Variants in SOX5 observed in about 807,000 individuals in gnomAD.
SOX5 encodes the protein SRY-box transcription factor 5, also known as transcription factor SOX-5.
Under a neutral mutation model 92.0 loss-of-function variants are expected in SOX5, and 9 were observed. That is an observed-to-expected ratio of 0.10 (90% CI 0.06 to 0.17). The LOEUF (loss-of-function observed/expected upper bound fraction) is 0.17. Among genes scored for constraint, SOX5 ranks in the 10% least tolerant of loss-of-function variants. The pLI is 1.00. For missense variants in SOX5, 642 were observed against 944.5 expected, an observed-to-expected ratio of 0.68 and a Z score of 4.20; for synonymous variants, 344 against 336.3, an observed-to-expected ratio of 1.02 and a Z score of -0.25.
chr12:24,251,950 T>TAAA (rs71059994), intron 3 of SOX5, among the ~76,000 whole-genome samples: 5 of 148,414 alleles, frequency 3.4e-5, no homozygotes, highest in Admixed American at 6.7e-5. Flanking sequence ...ACCCAGTTAT[T>TAAA]AAAAAAAAAA....
intron 4 of SOX5, among the ~76,000 whole-genome samples, chr12:24,051,744 T>C (rs1352128224): frequency 2.0e-5 from 3 of 152,194 alleles, no homozygotes; most frequent in Non-Finnish European, 4.4e-5. Context: ...AGTAGTAAAA[T>C]AGCCAAATTC....
At chr12:24,272,050 G>T (rs893792811) in intron 3 of SOX5, among the ~76,000 whole-genome samples, 1 of 151,908 alleles carries the variant, frequency 6.6e-6, no homozygotes, top group African/African-American at 2.4e-5. Context: ...TATTGTGATG[G>T]CATGGTACTT....
chr12:24,464,771 T>C (rs888372558), intron 1 of SOX5, among the ~76,000 whole-genome samples: 4 of 152,238 alleles, frequency 2.6e-5, no homozygotes, highest in African/African-American at 9.7e-5. Context: ...AACTCAGGTA[T>C]AAAGAGTTTA....
intron 1 of SOX5, among the ~76,000 whole-genome samples, chr12:24,511,571 C>A (rs1381808655): frequency 2.6e-5 from 4 of 152,214 alleles, no homozygotes; most frequent in Admixed American, 2.6e-4. Context: ...AGGAGCACTT[C>A]TGATTCTTAT....
chr12:23,819,177 C>G (rs905587178), intron 3 of SOX5, among the ~76,000 whole-genome samples: 1 of 152,186 alleles, frequency 6.6e-6, no homozygotes, highest in Non-Finnish European at 1.5e-5. Context: ...TTTGCTTACA[C>G]CAGCATCACC....
At chr12:24,497,306 T>TA (rs36066864) in intron 1 of SOX5, among the ~76,000 whole-genome samples, 4 of 152,194 alleles carry the variant, frequency 2.6e-5, no homozygotes, top group African/African-American at 9.7e-5. Flanking sequence ...TGTTTATTTT[T>TA]AAAAAAGTAT....
intron 4 of SOX5, among the ~76,000 whole-genome samples, chr12:24,086,303 C>G (rs1320672346): frequency 1.3e-5 from 2 of 151,940 alleles, no homozygotes; most frequent in Admixed American, 1.3e-4. Context: ...CATAGACTCT[C>G]AGAATTTGTT....
At chr12:23,873,894 A>C (rs1489706560) in intron 2 of SOX5, among the ~76,000 whole-genome samples, 1 of 152,152 alleles carries the variant, frequency 6.6e-6, no homozygotes, top group African/African-American at 2.4e-5. Context: ...TCAGATAAAA[A>C]ATTTTTCCAA....
rs532176126 is a variant in SOX5 at position 23,967,747 on chromosome 12, A to G, written c.-1-71723T>C. Among the ~76,000 whole-genome samples, 25 of 152,324 alleles carry G rather than the reference A, an allele frequency of 1.6e-4. No homozygotes were observed. The East Asian group carries it at 4.4e-3, about 27-fold the overall frequency. On this transcript the variant is annotated intron_variant, in intron 4 of 4. Coordinates refer to the SOX5 transcript ENST00000446891. ...CTTCTTAACTAAGTATTAGTAAAAA[A>G]TGATTAAAATTATTATTCAGGATAA... is the stretch of plus-strand genomic sequence containing the variant.
chr12:24,523,512 G>A (rs923913751), intron 1 of SOX5, among the ~76,000 whole-genome samples: 3 of 152,208 alleles, frequency 2.0e-5, no homozygotes, highest in Non-Finnish European at 2.9e-5. Context: ...ATGGCAATGA[G>A]AACAGTATGC....
At chr12:24,218,736 A>G (rs567633908) in intron 3 of SOX5, among the ~76,000 whole-genome samples, 1 of 152,130 alleles carries the variant, frequency 6.6e-6, no homozygotes, top group East Asian at 1.9e-4. Flanking sequence ...ATATACATCT[A>G]CCTTGAAAAA....
intron 2 of SOX5, among the ~76,000 whole-genome samples, chr12:24,352,019 A>C (rs571139497): frequency 6.6e-6 from 1 of 152,350 alleles, no homozygotes; most frequent in South Asian, 2.1e-4. Flanking sequence ...AGAGGAAGAG[A>C]GCTGCCTATT....
In SOX5 at chr12:24,024,130, T is replaced by C. The variant is rs567237448; in HGVS notation, c.-1-128106A>G. On this transcript the variant is annotated intron_variant, in intron 4 of 4. Coordinates refer to the SOX5 transcript ENST00000446891. ...CCTAAGATAGGTTATTTTGAGGAGA[T>C]TATTTAATAAGTTATTAAAATACAA... Among the ~76,000 whole-genome samples, 73 of 152,166 alleles carry C rather than the reference T, an allele frequency of 4.8e-4. 1 individual carries two copies. The highest frequency in any genetic ancestry group is 1.6e-3 in the Admixed American group (25 of 15,266).
chr12:23,733,506 C>T (rs567595881), intron 6 of SOX5, among the ~76,000 whole-genome samples: 19 of 152,158 alleles, frequency 1.2e-4, no homozygotes, highest in African/African-American at 4.3e-4. Context: ...GAAATGTCCT[C>T]GGCTGGAACA....
At chr12:23,705,840 C>T (rs1326011041) in intron 6 of SOX5, among the ~76,000 whole-genome samples, 2 of 152,020 alleles carry the variant, frequency 1.3e-5, no homozygotes, top group African/African-American at 2.4e-5. Flanking sequence ...GAATGTGAAG[C>T]GGTCCCCTTT....
At chr12:23,647,212 T>C (rs1426077673) in intron 7 of SOX5, among the ~76,000 whole-genome samples, 1 of 152,186 alleles carries the variant, frequency 6.6e-6, no homozygotes, top group Non-Finnish European at 1.5e-5. Flanking sequence ...CTTGGGTGAC[T>C]GGGTGCAACT....
At chr12:23,749,469 T>C (rs1282781146) in intron 4 of SOX5, among the ~76,000 whole-genome samples, 2 of 152,024 alleles carry the variant, frequency 1.3e-5, no homozygotes, top group East Asian at 3.9e-4. Flanking sequence ...ATATATCTAA[T>C]GTGGAAAACT....
chr12:23,799,772 G>A (rs1054852136), intron 3 of SOX5, among the ~76,000 whole-genome samples: 1 of 151,898 alleles, frequency 6.6e-6, no homozygotes, highest in Non-Finnish European at 1.5e-5. Context: ...TACAGACAGT[G>A]TCCTAGAGGC....
chr12:24,489,950 T>G (rs1288518771), intron 1 of SOX5, among the ~76,000 whole-genome samples: 1 of 152,238 alleles, frequency 6.6e-6, no homozygotes, highest in Non-Finnish European at 1.5e-5. Flanking sequence ...ACTTTTAATG[T>G]GGTGTTTAAA....
Sources: gnomAD v4.1 joint callset for allele counts (sites outside exome capture counted in the v4.1 genomes callset) on GRCh38, gnomAD v4.1.1 for gene constraint, MANE v1.5 for transcripts, NCBI Gene and HGNC (gene_info 2026-07-23, HGNC 2026-07-21) for gene names.